Variants in LAMA5 observed in about 807,000 individuals in gnomAD.
The protein encoded by LAMA5 is laminin subunit alpha 5, also known as laminin subunit alpha-5.
In LAMA5, 260 loss-of-function variants were observed where a neutral mutation model predicts 433.4. The observed-to-expected ratio is 0.60, with a 90% CI of 0.54 to 0.66. The LOEUF (loss-of-function observed/expected upper bound fraction) is 0.66, where lower values mean the gene tolerates loss of function less well. Among genes scored for constraint, LAMA5 ranks in the 30% least tolerant of loss-of-function variants. The probability of loss-of-function intolerance (pLI) is 0.00; values close to 1 mark genes in which losing one functional copy is unlikely to be tolerated. For missense variants in LAMA5, 5,378 were observed against 5,258.5 expected, an observed-to-expected ratio of 1.02 and a Z score of -0.70; for synonymous variants, 2,620 against 2,226.6, an observed-to-expected ratio of 1.18 and a Z score of -4.97.
chr20:62,325,202 G>T, intron 41 of LAMA5, 114 bp downstream of exon 41: 1 of 688,240 alleles, frequency 1.5e-6, no homozygotes. Flanking sequence ...AGGAAGAGAG[G>T]TGAGTAGGGT....
chr20:62,314,283 CCT>C lies in LAMA5; in HGVS notation c.8504+19_8504+20del, dbSNP rs768227889. 2.4e-5 allele frequency: 38 copies of C among 1,610,228 alleles called. 1 individual carries two copies. In the East Asian group the frequency reaches 6.9e-4, roughly 29 times the overall value. Reference sequence around the variant, plus strand: ...GGGCCCTGCAGTTGGAGGCATCCGGCCTCTCTCCTGGGCCTCCCACCTGTCCA... The same window carrying C: ...GGGCCCTGCAGTTGGAGGCATCCGGCCTCTCCTGGGCCTCCCACCTGTCCA... On this transcript the variant is annotated intron_variant, in intron 62 of 79. Coordinates refer to ENST00000252999, the MANE Select transcript of LAMA5 (RefSeq NM_005560.6).
rs759779672 is a variant in LAMA5, at chr20:62,330,524, C to T, written c.3943G>A (p.Val1315Met). Residue 1315 changes from valine (V) to methionine (M), a missense_variant, in exon 31 of 80, where the codon GTG becomes ATG. Physicochemically the swap from Val to Met is conservative, Grantham distance 21. Transcript: ENST00000252999. The part of the protein sequence containing the change: ...GYQPAHPTFP[V>M]EVLINAGRVW... ...CGGCCGGCGTTGATGAGGACTTCCA[C>T]GGGGAAGGTGGGGTGGGCTGGCTGG... 38 of 1,574,022 alleles carry T rather than the reference C, an allele frequency of 2.4e-5. No individual in the cohort carries two copies. Among genetic ancestry groups the T allele is most frequent in the African/African-American group, 1.6e-4 (12 of 74,548 alleles).
At position 62,321,194 on chromosome 20, in the gene LAMA5, TGGGGCCAGTGGAGGAAGAG is replaced by T. The variant is rs74194514; in HGVS notation, c.6497-323_6497-305del. 1.4e-3 allele frequency among the ~76,000 whole-genome samples: 12 copies of T among 8,560 alleles called. No homozygotes were observed. In the East Asian group the frequency reaches 0.042, roughly 30 times the overall value. 5.6% of individuals were successfully genotyped at this position (8,560 alleles called of 152,430 possible). A position where few individuals can be genotyped will look rare whatever the true frequency, so the allele number is the denominator to read the frequency against. On this transcript the variant is annotated intron_variant, in intron 48 of 79. Coordinates refer to ENST00000252999, the MANE Select transcript of LAMA5 (RefSeq NM_005560.6). Reference sequence around the variant, plus strand: ...GGTGGAGGCAGGGTCAGTGAAGGGGTGGGGCCAGTGGAGGAAGAGGGGGCCAGTGGAGGAGGCGGGGCCT... The same window carrying T: ...GGTGGAGGCAGGGTCAGTGAAGGGGTGGGGCCAGTGGAGGAGGCGGGGCCT...
chr20:62,335,152 T>G, intron 19 of LAMA5, 26 bp from the exon 20 acceptor site: 2 of 1,612,550 alleles, frequency 1.2e-6, no homozygotes, highest in Non-Finnish European at 1.7e-6. Context: ...GGAGGTGAAG[T>G]GGGGCAGGGG....
Position 62,309,072 on chromosome 20 carries a change from G to A in LAMA5, c.*264C>T. On this transcript the variant is annotated 3_prime_UTR_variant, in exon 80 of 80. Coordinates refer to ENST00000252999, the MANE Select transcript of LAMA5 (RefSeq NM_005560.6). ...AAGTCAACATTCATTCGGTTACACA[G>A]AAGTTACTTTTTAATTTTTAAGGAG... is the stretch of plus-strand genomic sequence containing the variant. The A allele has an allele frequency of 1.6e-6, 1 of 608,468 alleles. No homozygotes were observed. Among genetic ancestry groups the A allele is most frequent in the Non-Finnish European group, 2.8e-6 (1 of 363,392 alleles). The allele number at this position is 608,468 out of a possible 1,614,324, so 37.7% of individuals were successfully genotyped here. A position where few individuals can be genotyped will look rare whatever the true frequency, so the allele number is the denominator to read the frequency against.
intron 1 of LAMA5, among the ~76,000 whole-genome samples, chr20:62,366,515 G>A (rs1037450445): frequency 9.2e-5 from 14 of 152,214 alleles, no homozygotes; most frequent in African/African-American, 3.4e-4. Flanking sequence ...AGCCTCAGGT[G>A]GCTGGCCCCT....
rs574018532 is a variant in LAMA5 at position 62,360,288 on chromosome 20, A to G, written c.450+2112T>C. ...GTGGACAGATGGATGGAAACAAGGA[A>G]TAAAGGGTGGGTGCTGCATAGGTAG... On this transcript the variant is annotated intron_variant, in intron 2 of 79. Coordinates refer to ENST00000252999, the MANE Select transcript of LAMA5 (RefSeq NM_005560.6). 2.1e-4 allele frequency among the ~76,000 whole-genome samples: 13 copies of G among 61,144 alleles called. No individual in the cohort carries two copies. In the South Asian group the frequency reaches 0.013, roughly 62 times the overall value. The allele number at this position is 61,144 out of a possible 152,430, so 40.1% of individuals were successfully genotyped here.
In LAMA5 at chr20:62,328,958, C is replaced by T; in HGVS notation, c.4333G>A (p.Ala1445Thr). 2 of 1,612,424 alleles carry T rather than the reference C, an allele frequency of 1.2e-6. No individual in the cohort carries two copies. The highest frequency in any genetic ancestry group is 1.7e-6 in the Non-Finnish European group (2 of 1,179,680). Reference sequence around the variant, plus strand: ...AAGGGCTCACACGTGGGGCCTGTAGCACCTACTTCGTGGCAGCCACATGGA... The same window carrying T: ...AAGGGCTCACACGTGGGGCCTGTAGTACCTACTTCGTGGCAGCCACATGGA... ...ARPCGCHEVGATGPTCEPFGG... is the reference protein window; with the variant it reads ...ARPCGCHEVGTTGPTCEPFGG... Residue 1445 changes from alanine to threonine, a missense_variant, in exon 34 of 80, where the codon GCT (alanine) becomes ACT (threonine). Coordinates refer to ENST00000252999, the MANE Select transcript of LAMA5 (RefSeq NM_005560.6).
At chr20:62,331,175 G>A in intron 28 of LAMA5, 46 bp from the exon 29 acceptor site, 1 of 1,313,192 alleles carries the variant, frequency 7.6e-7, no homozygotes, top group Middle Eastern at 2.1e-4. Context: ...GGTGCGGGGA[G>A]GATAGGGGGT....
chr20:62,320,613 C>G lies in LAMA5; in HGVS notation c.6705G>C (p.Val2235=). The change falls in exon 50 of 80, where the codon GTG becomes GTC. Residue 2235 remains valine (V), a synonymous_variant. Transcript: ENST00000252999. ...PRHETAQQLE[V]LEQQSTSLGQ... is the part of the protein sequence containing the mutation. ...CGAGGCTTGTGCTCTGCTGCTCCAG[C>G]ACCTCCAGCTGCTGTGCCGTCTCAT... 6.2e-7 allele frequency: 1 copy of G among 1,608,454 alleles called. No homozygotes were observed. The highest frequency in any genetic ancestry group is 8.5e-7 in the Non-Finnish European group (1 of 1,179,046).
chr20:62,311,840 CAG>C, intron 70 of LAMA5, 56 bp from the exon 71 acceptor site: 1 of 1,552,616 alleles, frequency 6.4e-7, no homozygotes, highest in Non-Finnish European at 8.7e-7. Context: ...ACCCCCACCT[CAG>C]AGGAGACAGA....
chr20:62,327,442 T>A, intron 37 of LAMA5, 36 bp from the exon 38 acceptor site: 1 of 1,594,644 alleles, frequency 6.3e-7, no homozygotes, highest in Non-Finnish European at 8.6e-7. Context: ...CACGGGTGGA[T>A]GCCCACACAT....
chr20:62,328,399 G>A lies in LAMA5; in HGVS notation c.4494C>T (p.Cys1498=). 1 of 1,546,288 alleles carries A rather than the reference G, an allele frequency of 6.5e-7. No individual in the cohort carries two copies. The highest frequency in any genetic ancestry group is 8.7e-7 in the Non-Finnish European group (1 of 1,143,276). The part of the protein sequence containing the change: ...ARLCDELTGQ[C]ICPPRTIPPD... ...GCGGGATGGTGCGTGGCGGGCAGAT[G>A]CACTGGCCCGTGAGCTCGTCACAGA... The change falls in exon 35 of 80, where the codon TGC becomes TGT. Residue 1498 remains cysteine (C), a synonymous_variant. Transcript: ENST00000252999.
intron 2 of LAMA5, among the ~76,000 whole-genome samples, chr20:62,353,959 T>C (rs1418751513): frequency 6.6e-6 from 1 of 152,066 alleles, no homozygotes; most frequent in Non-Finnish European, 1.5e-5. Flanking sequence ...GCCCAGGCAC[T>C]GGGGCAGTAG....
rs200182113 is a variant in LAMA5 at position 62,351,869 on chromosome 20, G to A, written c.858+40C>T. ...CTCACCCTGAGTCCCGGGTCCACCC[G>A]GCCAGTCCCCCTCCCCCGCCTGCGC... is the stretch of plus-strand genomic sequence containing the variant. On this transcript the variant is annotated intron_variant, in intron 5 of 79. Transcript: ENST00000252999. 2.6e-4 allele frequency: 403 copies of A among 1,577,110 alleles called. 4 individuals carry two copies. The African/African-American group carries it at 4.9e-3, about 19-fold the overall frequency.
At chr20:62,357,576 G>A (rs1284441610) in intron 2 of LAMA5, among the ~76,000 whole-genome samples, 6 of 152,204 alleles carry the variant, frequency 3.9e-5, no homozygotes, top group Non-Finnish European at 7.4e-5. Context: ...AACCTATCAG[G>A]GGTCCGGAAA....
chr20:62,349,433 A>C (rs1018690669), intron 6 of LAMA5, among the ~76,000 whole-genome samples: 13 of 151,280 alleles, frequency 8.6e-5, no homozygotes, highest in Non-Finnish European at 1.9e-4. Flanking sequence ...AGGACAATGG[A>C]CTCTCCCAAG....
chr20:62,311,078 G>T lies in LAMA5; in HGVS notation c.10105C>A (p.His3369Asn), dbSNP rs1334390625. 1.3e-6 allele frequency: 2 copies of T among 1,584,244 alleles called. No homozygotes were observed. The highest frequency in any genetic ancestry group is 1.7e-6 in the Non-Finnish European group (2 of 1,164,374). The change falls in exon 74 of 80, where the codon CAC (histidine) becomes AAC (asparagine). Residue 3369 changes from histidine (H) to asparagine (N), a missense_variant. Physicochemically the swap from His to Asn is moderately conservative, Grantham distance 68. Transcript: ENST00000252999. ...RHRNWPSLSM[H>N]VLPRSSRGLL... ...CCTCGGGAGCTTCGCGGGAGGACGT[G>T]CATGGAGAGACTGGGCCTGGAAGCG...
At position 62,323,459 on chromosome 20, in the gene LAMA5, T is replaced by C; in HGVS notation, c.6061A>G (p.Thr2021Ala). ...TCCCTCCCAGCCCGACGCCTACGGG[T>C]GCAGTTGCCGGGCAGCAGGGCGTTG... ...YGNALLPGNCTRCDCTPCGTE... is the reference protein window; with the variant it reads ...YGNALLPGNCARCDCTPCGTE... The change falls in exon 45 of 80, where the codon ACC becomes GCC. Residue 2021 changes from threonine (T) to alanine (A), a missense_variant. By Grantham distance (58) the Thr-to-Ala change is moderately conservative. Coordinates refer to ENST00000252999, the MANE Select transcript of LAMA5 (RefSeq NM_005560.6). The C allele has an allele frequency of 3.9e-6, 6 of 1,538,884 alleles. No homozygotes were observed. The highest frequency in any genetic ancestry group is 5.2e-6 in the Non-Finnish European group (6 of 1,143,908).
Sources: allele counts gnomAD v4.1 joint callset (sites outside exome capture counted in the v4.1 genomes callset), GRCh38; gene constraint gnomAD v4.1.1; transcripts MANE v1.5; gene names NCBI Gene and HGNC (gene_info 2026-07-23, HGNC 2026-07-21).